Variants in AGBL4 observed in about 807,000 individuals in gnomAD.
The protein encoded by AGBL4 is AGBL carboxypeptidase 4, also known as cytosolic carboxypeptidase 6.
A neutral mutation model predicts 66.4 loss-of-function variants in AGBL4; 58 were observed. The observed-to-expected ratio is 0.87, with a 90% CI of 0.71 to 1.09. The LOEUF (loss-of-function observed/expected upper bound fraction) is 1.09, where lower values mean the gene tolerates loss of function less well. AGBL4 is among the 50% of genes least tolerant of loss of function. The pLI is 0.00. For missense variants in AGBL4, 579 were observed against 631.0 expected (o/e 0.92, Z 0.88); for synonymous variants, 234 against 222.9 (o/e 1.05, Z -0.44).
At chr1:48,750,294 T>C (rs1651485753) in intron 6 of AGBL4, among the ~76,000 whole-genome samples, 1 of 152,152 alleles carries the variant, frequency 6.6e-6, no homozygotes, top group Non-Finnish European at 1.5e-5. Flanking sequence ...CTTGCTCTCA[T>C]CTATGTCTGC....
At chr1:49,282,951 C>A (rs529099900) in intron 3 of AGBL4, among the ~76,000 whole-genome samples, 2 of 152,306 alleles carry the variant, frequency 1.3e-5, no homozygotes, top group African/African-American at 4.8e-5. Context: ...GGGAGGGGCG[C>A]CCGCCATTGC....
At chr1:48,570,816 C>T (rs1470246749) in intron 11 of AGBL4, among the ~76,000 whole-genome samples, 1 of 152,154 alleles carries the variant, frequency 6.6e-6, no homozygotes, top group East Asian at 1.9e-4. Context: ...TTCCAGTCTG[C>T]CTTAGTGCGT....
At chr1:49,921,598 G>T (rs1652259217) in intron 1 of AGBL4, among the ~76,000 whole-genome samples, 1 of 152,136 alleles carries the variant, frequency 6.6e-6, no homozygotes, top group Admixed American at 6.6e-5. Context: ...AGCCTCAAAA[G>T]TAGTGAAGCC....
intron 3 of AGBL4, among the ~76,000 whole-genome samples, chr1:49,586,930 T>A (rs143386341): frequency 2.6e-5 from 4 of 152,254 alleles, no homozygotes; most frequent in African/African-American, 9.6e-5. Context: ...ATTCTCCACC[T>A]TTTCCTCCCT....
chr1:48,739,555 C>A (rs889325039), intron 6 of AGBL4, among the ~76,000 whole-genome samples: 2 of 152,206 alleles, frequency 1.3e-5, no homozygotes, highest in Non-Finnish European at 2.9e-5. Context: ...GGTGCTGGAG[C>A]TGCCAGCCTG....
At chr1:49,245,935 A>G (rs1246783099) in intron 3 of AGBL4, 71 bp from the exon 4 acceptor site, 4 of 1,201,844 alleles carry the variant, frequency 3.3e-6, no homozygotes, top group Non-Finnish European at 3.6e-6. Context: ...TTAAGACAGG[A>G]AATAAGAAAC....
intron 6 of AGBL4, among the ~76,000 whole-genome samples, chr1:48,688,177 A>G (rs1317116314): frequency 1.3e-5 from 2 of 152,182 alleles, no homozygotes; most frequent in African/African-American, 4.8e-5. Flanking sequence ...GGAAGGAGAC[A>G]TTTATGCCAC....
chr1:49,885,790 A>G (rs1360030058), intron 1 of AGBL4, among the ~76,000 whole-genome samples: 1 of 152,158 alleles, frequency 6.6e-6, no homozygotes. Flanking sequence ...GTTAAGGACT[A>G]TACTAAAAAC....
chr1:49,029,715 AT>A (rs1247671073), intron 5 of AGBL4, among the ~76,000 whole-genome samples: 1 of 152,214 alleles, frequency 6.6e-6, no homozygotes, highest in Non-Finnish European at 1.5e-5. Context: ...GGCACCATGT[AT>A]AGCCAAAACA....
At chr1:48,622,173 C>T (rs1284313380) in intron 9 of AGBL4, among the ~76,000 whole-genome samples, 1 of 152,108 alleles carries the variant, frequency 6.6e-6, no homozygotes, top group Non-Finnish European at 1.5e-5. Context: ...AGTATGTTCA[C>T]CTGCCTAATA....
intron 1 of AGBL4, among the ~76,000 whole-genome samples, chr1:49,876,914 G>A (rs1293391950): frequency 6.6e-6 from 1 of 150,930 alleles, no homozygotes; most frequent in Admixed American, 6.6e-5. Flanking sequence ...TATTCTCTTT[G>A]AAGCAATTGT....
intron 3 of AGBL4, among the ~76,000 whole-genome samples, chr1:49,458,239 T>C (rs2148693475): frequency 6.6e-6 from 1 of 151,848 alleles, no homozygotes; most frequent in East Asian, 1.9e-4. Context: ...AGCAGTGTTT[T>C]GTAATTTTCC....
intron 6 of AGBL4, among the ~76,000 whole-genome samples, chr1:48,663,907 G>A (rs1327845496): frequency 6.6e-6 from 1 of 152,148 alleles, no homozygotes; most frequent in Non-Finnish European, 1.5e-5. Flanking sequence ...AAAAGTGGTG[G>A]TAGGAGCTGA....
intron 5 of AGBL4, among the ~76,000 whole-genome samples, chr1:49,038,691 T>C (rs559658864): frequency 2.8e-4 from 42 of 151,998 alleles, no homozygotes; most frequent in Non-Finnish European, 3.8e-4. Context: ...TCAAGAACAC[T>C]GACAACACTA....
intron 1 of AGBL4, among the ~76,000 whole-genome samples, chr1:49,925,874 G>T (rs145112342): frequency 6.6e-6 from 1 of 152,196 alleles, no homozygotes; most frequent in African/African-American, 2.4e-5. Context: ...AAAGTGCCAG[G>T]TAGATTCCTA....
At chr1:48,810,337 C>T (rs927838710) in intron 6 of AGBL4, among the ~76,000 whole-genome samples, 9 of 152,174 alleles carry the variant, frequency 5.9e-5, no homozygotes, top group African/African-American at 7.2e-5. Flanking sequence ...AGCCATTTGT[C>T]AGATGATTTC....
At chr1:49,389,688 GA>G (rs1644807588) in intron 3 of AGBL4, among the ~76,000 whole-genome samples, 1 of 152,062 alleles carries the variant, frequency 6.6e-6, no homozygotes, top group African/African-American at 2.4e-5. Context: ...GAATTGAGAG[GA>G]AATCTGAGCT....
intron 3 of AGBL4, among the ~76,000 whole-genome samples, chr1:49,679,175 A>G (rs1278251859): frequency 1.3e-5 from 2 of 152,050 alleles, no homozygotes; most frequent in Non-Finnish European, 2.9e-5. Flanking sequence ...GTATTTCCTC[A>G]ATCAGTTTTA....
rs561486352 is a variant in AGBL4 at position 49,283,222 on chromosome 1, C to T, written c.283-37358G>A. 1.2e-3 allele frequency among the ~76,000 whole-genome samples: 179 copies of T among 152,276 alleles called. 1 individual carries two copies. Among genetic ancestry groups the T allele is most frequent in the African/African-American group, 3.9e-3 (160 of 41,556 alleles). ...AAGTGGGTCCCTGACCCCTGACCCC[C>T]GAGCAGCCTAACTGGGAGGCACCCC... is the stretch of plus-strand genomic sequence containing the variant. On this transcript the variant is annotated intron_variant, in intron 3 of 13. Transcript: ENST00000371839.
Sources: gnomAD v4.1 joint callset for allele counts (sites outside exome capture counted in the v4.1 genomes callset) on GRCh38, gnomAD v4.1.1 for gene constraint, MANE v1.5 for transcripts, NCBI Gene and HGNC (gene_info 2026-07-23, HGNC 2026-07-21) for gene names.